Variants in IPO13 observed in about 807,000 individuals in gnomAD.
IPO13 encodes importin 13.
IPO13 carries 28 observed loss-of-function variants against 115.5 expected under a neutral mutation model. That is an observed-to-expected ratio of 0.24 (90% confidence interval 0.18 to 0.33). IPO13 has a LOEUF of 0.33. Ranked by LOEUF, IPO13 falls within the 10% of genes least tolerant of loss-of-function variation. IPO13 has a pLI of 1.00. For missense variants in IPO13, 785 were observed against 1,204.6 expected, an observed-to-expected ratio of 0.65 and a Z score of 5.16; for synonymous variants, 414 against 478.9, an observed-to-expected ratio of 0.86 and a Z score of 1.77.
In IPO13 at chr1:43,947,115, G is replaced by A. The variant is rs2154301972; in HGVS notation, c.-486G>A. 1 of 398,956 alleles carries A rather than the reference G, an allele frequency of 2.5e-6. No individual in the cohort carries two copies. Among genetic ancestry groups the A allele is most frequent in the Non-Finnish European group, 4.4e-6 (1 of 226,308 alleles). 24.7% of individuals were successfully genotyped at this position (398,956 alleles called of 1,614,324 possible). A position where few individuals can be genotyped will look rare whatever the true frequency, so the allele number is the denominator to read the frequency against. On this transcript the variant is annotated 5_prime_UTR_variant, in exon 1 of 20. Coordinates refer to ENST00000372343, the MANE Select transcript of IPO13 (RefSeq NM_014652.4). ...GGAGCTGCATCTCCGCGCTTCGTTG[G>A]ACGCCTCCGTAACCACGAAGGGCTC... is the stretch of plus-strand genomic sequence containing the variant.
intron 14 of IPO13, among the ~76,000 whole-genome samples, chr1:43,963,110 G>A (rs1402033689): frequency 6.6e-6 from 1 of 152,236 alleles, no homozygotes; most frequent in Non-Finnish European, 1.5e-5. Context: ...CTTTATTGGT[G>A]ACTCTTCATA....
At chr1:43,963,310 A>T (rs1250753786) in intron 14 of IPO13, among the ~76,000 whole-genome samples, 1 of 152,168 alleles carries the variant, frequency 6.6e-6, no homozygotes, top group East Asian at 1.9e-4. Flanking sequence ...CTCAGGAATG[A>T]TCAGAACTGG....
chr1:43,961,229 G>T lies in IPO13; in HGVS notation c.2311G>T (p.Val771Phe), dbSNP rs757882575. The T allele has an allele frequency of 1.2e-6, 2 of 1,613,936 alleles. No homozygotes were observed. The highest frequency in any genetic ancestry group is 1.1e-5 in the South Asian group (1 of 91,068). Residue 771 changes from valine to phenylalanine, a missense_variant, in exon 14 of 20, where the codon GTC becomes TTC. Around this residue, in one of 3 missense-constraint regions of IPO13, gnomAD observed 285 missense variants for 394.8 expected, o/e 0.72. Transcript: ENST00000372343. ...CCCAATTGAGGCCCTCTTCCTGCTC[G>T]TCACCTCCGTCACACTCACTCTCTT... ...FPPIEALFLLVTSVTLTLFQQ... is the reference protein window; with the variant it reads ...FPPIEALFLLFTSVTLTLFQQ...
chr1:43,949,621 C>G lies in IPO13; in HGVS notation c.289C>G (p.Gln97Glu). 3 of 1,614,242 alleles carry G rather than the reference C, an allele frequency of 1.9e-6. No individual in the cohort carries two copies. In the Middle Eastern group the frequency reaches 4.9e-4, roughly 266 times the overall value. Residue 97 changes from glutamine to glutamate, a missense_variant, in exon 2 of 20, where the codon CAG becomes GAG. Around this residue, in one of 3 missense-constraint regions of IPO13, gnomAD observed 325 missense variants for 449.8 expected, o/e 0.72. Coordinates refer to ENST00000372343, the MANE Select transcript of IPO13 (RefSeq NM_014652.4). ...SRYWSDIPTD[Q>E]YESLKAQLFT... The stretch of plus-strand genomic sequence containing the variant: ...CTACTGGAGTGACATCCCCACTGAC[C>G]AGTATGAAAGCCTAAAGGCACAGCT...
At chr1:43,965,456 G>A (rs1426664731) in intron 15 of IPO13, among the ~76,000 whole-genome samples, 1 of 152,088 alleles carries the variant, frequency 6.6e-6, no homozygotes, top group African/African-American at 2.4e-5. Flanking sequence ...GGGAAGAATA[G>A]GGAGTGTTCT....
chr1:43,949,556 A>C lies in IPO13; in HGVS notation c.224A>C (p.Gln75Pro), dbSNP rs1291014902. 3.1e-6 allele frequency: 5 copies of C among 1,614,218 alleles called. No homozygotes were observed. Among genetic ancestry groups the C allele is most frequent in the Non-Finnish European group, 4.2e-6 (5 of 1,180,022 alleles). ...CAGCCCGACAAGGTACCAGAGATCC[A>C]GTACTTTGGGGCCAGTGCTCTTCAC... The part of the protein sequence containing the change: ...LLQPDKVPEI[Q>P]YFGASALHIK... Residue 75 changes from glutamine (Q) to proline (P), a missense_variant, in exon 2 of 20, where the codon CAG becomes CCG. Around this residue, in one of 3 missense-constraint regions of IPO13, gnomAD observed 325 missense variants for 449.8 expected, o/e 0.72. Coordinates refer to ENST00000372343, the MANE Select transcript of IPO13 (RefSeq NM_014652.4).
chr1:43,962,963 G>A (rs931166655), intron 14 of IPO13, among the ~76,000 whole-genome samples: 2 of 152,214 alleles, frequency 1.3e-5, no homozygotes, highest in African/African-American at 4.8e-5. Flanking sequence ...AGGGCTCCCT[G>A]CCCTTGGAAC....
intron 1 of IPO13, among the ~76,000 whole-genome samples, chr1:43,948,277 C>T (rs1332495315): frequency 6.6e-6 from 1 of 152,138 alleles, no homozygotes; most frequent in Non-Finnish European, 1.5e-5. Flanking sequence ...TACTCGCCTG[C>T]CCACATAGCT....
chr1:43,961,283 C>T, intron 14 of IPO13, 21 bp downstream of exon 14: 2 of 1,517,764 alleles, frequency 1.3e-6, no homozygotes, highest in Non-Finnish European at 1.8e-6. Flanking sequence ...ACCGGGGTCT[C>T]TGCTGCTGCT....
Position 43,966,200 on chromosome 1 carries a change from G to A in IPO13, c.2398-375G>A. 2.8e-6 allele frequency: 1 copy of A among 353,294 alleles called. No individual in the cohort carries two copies. The highest frequency in any genetic ancestry group is 5.4e-6 in the Non-Finnish European group (1 of 183,760). The allele number at this position is 353,294 out of a possible 1,614,324, so 21.9% of individuals were successfully genotyped here. A position where few individuals can be genotyped will look rare whatever the true frequency, so the allele number is the denominator to read the frequency against. ...CCTGCTACCCTGTTCACAAACTGGG[G>A]GTGCTTAACTCCCTCTGTGAATCAA... On this transcript the variant is annotated intron_variant, in intron 15 of 19. Transcript: ENST00000372343. This position sits in a 1 kb window ranked among gnomAD's most constrained non-coding sequence, Gnocchi z 4.1.
At chr1:43,964,208 T>A in intron 14 of IPO13, 61 bp from the exon 15 acceptor site, 1 of 1,151,626 alleles carries the variant, frequency 8.7e-7, no homozygotes, top group Non-Finnish European at 1.3e-6. Flanking sequence ...CACATAACTA[T>A]ATGAGGTTGA....
In IPO13 at chr1:43,967,036, G is replaced by T. The variant is rs200723873; in HGVS notation, c.2613+17G>T. The T allele has an allele frequency of 5.6e-5, 91 of 1,612,266 alleles. No homozygotes were observed. The highest frequency in any genetic ancestry group is 7.0e-5 in the Non-Finnish European group (83 of 1,178,662). ...GTGCTGGAGGTGAGACGGAGCAAAGGGGGGTTTGATGGGGGTGAGGGCCCC... is the reference window on the plus strand; with the variant it reads ...GTGCTGGAGGTGAGACGGAGCAAAGTGGGGTTTGATGGGGGTGAGGGCCCC... On this transcript the variant is annotated intron_variant, in intron 18 of 19. Transcript: ENST00000372343. The surrounding 1 kb of genome is among the most constrained non-coding windows in gnomAD (Gnocchi z 6.1).
intron 7 of IPO13, 63 bp downstream of exon 7, chr1:43,957,612 G>A: frequency 1.3e-6 from 2 of 1,585,122 alleles, no homozygotes; most frequent in Non-Finnish European, 1.7e-6. Context: ...CCTGGCCACA[G>A]CCAGCATGCT....
chr1:43,965,210 A>G (rs1445975437), intron 15 of IPO13, among the ~76,000 whole-genome samples: 1 of 151,930 alleles, frequency 6.6e-6, no homozygotes, highest in Non-Finnish European at 1.5e-5. Flanking sequence ...GTATGAAGTT[A>G]GTGTGATGGG....
chr1:43,953,464 G>T (rs1022398706), intron 2 of IPO13: 1 of 152,240 alleles, frequency 6.6e-6, no homozygotes, highest in African/African-American at 2.4e-5. Context: ...GGAAATTTAT[G>T]CAAGAACTTC....
chr1:43,967,451 G>A lies in IPO13; in HGVS notation c.2750G>A (p.Arg917His), dbSNP rs372139269. 2.5e-6 allele frequency: 4 copies of A among 1,614,116 alleles called. No homozygotes were observed. Among genetic ancestry groups the A allele is most frequent in the Non-Finnish European group, 3.4e-6 (4 of 1,180,006 alleles). The change falls in exon 19 of 20, where the codon CGC (arginine) becomes CAC (histidine). Residue 917 changes from arginine (R) to histidine (H), a missense_variant. By Grantham distance (29) the Arg-to-His change is conservative (BLOSUM62 0). Transcript: ENST00000372343. This position sits in a 1 kb window ranked among gnomAD's most constrained non-coding sequence, Gnocchi z 6.1. ...ALQPPGFPSARLSPEQKDTFS... is the reference protein window; with the variant it reads ...ALQPPGFPSAHLSPEQKDTFS... ...CAGCCACCTGGTTTCCCCTCTGCCC[G>A]CCTCAGCCCTGAACAGAAGGATACC...
Position 43,960,951 on chromosome 1 carries a change from G to A in IPO13, c.2185G>A (p.Glu729Lys), listed in dbSNP as rs780320107. ...TGCCCCCATGGTGCCACAGCTGTGT[G>A]AGATGCTGGGTCGGATGTACAGCAC... ...DFAPMVPQLC[E>K]MLGRMYSTIP... Residue 729 changes from glutamate to lysine, a missense_variant, in exon 13 of 20, where the codon GAG (glutamate) becomes AAG (lysine). Around this residue, in one of 3 missense-constraint regions of IPO13, gnomAD observed 285 missense variants for 394.8 expected, o/e 0.72. Transcript: ENST00000372343. 8.1e-6 allele frequency: 13 copies of A among 1,614,116 alleles called. No individual in the cohort carries two copies. Among genetic ancestry groups the A allele is most frequent in the Non-Finnish European group, 1.0e-5 (12 of 1,180,046 alleles).
chr1:43,955,364 C>A (rs2085237267), intron 2 of IPO13, among the ~76,000 whole-genome samples: 1 of 152,084 alleles, frequency 6.6e-6, no homozygotes, highest in Non-Finnish European at 1.5e-5. Context: ...TTTCCTAGGG[C>A]TACCATAACA....
intron 1 of IPO13, among the ~76,000 whole-genome samples, chr1:43,947,931 GACTT>G (rs2085178706): frequency 6.6e-6 from 1 of 152,212 alleles, no homozygotes; most frequent in Non-Finnish European, 1.5e-5. Flanking sequence ...AGGGTGCTGT[GACTT>G]AGCCTTCCGT....
Sources: allele counts gnomAD v4.1 joint callset (sites outside exome capture counted in the v4.1 genomes callset), GRCh38; gene constraint gnomAD v4.1.1; regional missense constraint gnomAD v4.1.1; non-coding constraint Gnocchi (gnomAD v3.1); transcripts MANE v1.5; gene names NCBI Gene and HGNC (gene_info 2026-07-23, HGNC 2026-07-21).